The following SLC37A1 variants were observed in gnomAD, a reference collection of about 807,000 sequenced individuals.
SLC37A1 encodes the protein solute carrier family 37 member 1.
In SLC37A1, 49 loss-of-function variants were observed where a neutral mutation model predicts 75.3. That is an observed-to-expected ratio of 0.65 (90% CI 0.52 to 0.83). The LOEUF is 0.83. Among genes scored for constraint, SLC37A1 ranks in the 40% least tolerant of loss-of-function variants. The probability of loss-of-function intolerance (pLI) is 0.00; values close to 1 mark genes in which losing one functional copy is unlikely to be tolerated. For missense variants in SLC37A1, 566 were observed against 695.0 expected (o/e 0.81, Z 2.09); for synonymous variants, 268 against 292.1 (o/e 0.92, Z 0.84).
At chr21:42,532,893 T>A (rs1251772917) in intron 3 of SLC37A1, among the ~76,000 whole-genome samples, 2 of 152,190 alleles carry the variant, frequency 1.3e-5, no homozygotes, top group South Asian at 2.1e-4. Flanking sequence ...GGCTAGTTTT[T>A]GGGGACAGTG....
intron 2 of SLC37A1, among the ~76,000 whole-genome samples, chr21:42,519,135 T>G (rs1199210833): frequency 6.6e-6 from 1 of 152,136 alleles, no homozygotes; most frequent in Non-Finnish European, 1.5e-5. Flanking sequence ...TAGGTTCTGT[T>G]TTGGGGGACC....
chr21:42,537,456 A>G (rs746622508), intron 5 of SLC37A1, among the ~76,000 whole-genome samples: 1 of 152,212 alleles, frequency 6.6e-6, no homozygotes, highest in Non-Finnish European at 1.5e-5. Context: ...TTTCTCAGTT[A>G]CTGGAAAACT....
In SLC37A1 at chr21:42,574,804, T is replaced by C. The variant is rs1379061521; in HGVS notation, c.1424-14T>C. 1 of 1,613,740 alleles carries C rather than the reference T, an allele frequency of 6.2e-7. No individual in the cohort carries two copies. Among genetic ancestry groups the C allele is most frequent in the African/African-American group, 1.3e-5 (1 of 74,946 alleles). ...TCTAAACAGCACCATGTGTGTCCATTTGCCTGATTTCAGGAGCAGCCCTGG... is the reference window on the plus strand; with the variant it reads ...TCTAAACAGCACCATGTGTGTCCATCTGCCTGATTTCAGGAGCAGCCCTGG... On this transcript the variant is annotated splice_polypyrimidine_tract_variant and intron_variant, in intron 17 of 19. Coordinates refer to ENST00000352133, the MANE Select transcript of SLC37A1 (RefSeq NM_001320537.2).
chr21:42,540,770 G>A (rs540509323), intron 6 of SLC37A1, among the ~76,000 whole-genome samples: 3 of 152,314 alleles, frequency 2.0e-5, no homozygotes, highest in Middle Eastern at 3.4e-3. Flanking sequence ...CAAGCAGATT[G>A]TATTTAATTT....
At chr21:42,575,994 T>C in intron 18 of SLC37A1, 1 of 976,368 alleles carries the variant, frequency 1.0e-6, no homozygotes, top group Non-Finnish European at 1.2e-6. Context: ...TATCTGGTAA[T>C]ATATATTGAA....
rs1161313598 is a variant in SLC37A1 at position 42,530,654 on chromosome 21, A to ACACACACACACACACACACACACACC, written c.139-4043_139-4042insACACACACACACACACACACACACCC. 4.2e-4 allele frequency among the ~76,000 whole-genome samples: 15 copies of ACACACACACACACACACACACACACC among 35,880 alleles called. 1 individual carries two copies. The highest frequency in any genetic ancestry group is 2.2e-3 in the Admixed American group (6 of 2,768). The allele number at this position is 35,880 out of a possible 152,430, so 23.5% of individuals were successfully genotyped here. A position where few individuals can be genotyped will look rare whatever the true frequency, so the allele number is the denominator to read the frequency against. On this transcript the variant is annotated intron_variant, in intron 3 of 19. Transcript: ENST00000352133. The stretch of plus-strand genomic sequence containing the variant: ...CACACACACACACACACACACACAC[A>ACACACACACACACACACACACACACC]CCCCCTCTGTGTTGGCTGAAGGTGG...
intron 15 of SLC37A1, 63 bp downstream of exon 15, chr21:42,565,938 A>G (rs1397608889): frequency 1.3e-6 from 2 of 1,517,806 alleles, no homozygotes; most frequent in African/African-American, 2.8e-5. Context: ...ACAGCTGGCA[A>G]GATGAAATAC....
intron 17 of SLC37A1, among the ~76,000 whole-genome samples, chr21:42,573,893 G>C (rs987862869): frequency 6.6e-6 from 1 of 152,194 alleles, no homozygotes; most frequent in African/African-American, 2.4e-5. Context: ...GGGCATTTAG[G>C]GGGATACGTT....
At chr21:42,579,593 G>C in intron 18 of SLC37A1, 143 bp from the exon 19 acceptor site, 1 of 327,450 alleles carries the variant, frequency 3.1e-6, no homozygotes, top group Non-Finnish European at 5.1e-6. Context: ...CGCTGCTCTT[G>C]CAGGGAGGCC....
At position 42,530,654 on chromosome 21, in the gene SLC37A1, A is replaced by ACACCCCC. The variant is rs1161313598; in HGVS notation, c.139-4043_139-4042insACCCCCC. On this transcript the variant is annotated intron_variant, in intron 3 of 19. Transcript: ENST00000352133. ...CACACACACACACACACACACACAC[A>ACACCCCC]CCCCCTCTGTGTTGGCTGAAGGTGG... Among the ~76,000 whole-genome samples the ACACCCCC allele has an allele frequency of 3.9e-3, 140 of 35,880 alleles. 5 individuals carry two copies. The highest frequency in any genetic ancestry group is 9.6e-3 in the Middle Eastern group (1 of 104). The allele number at this position is 35,880 out of a possible 152,430, so 23.5% of individuals were successfully genotyped here.
At chr21:42,572,981 G>A (rs543294639) in intron 17 of SLC37A1, among the ~76,000 whole-genome samples, 4 of 152,294 alleles carry the variant, frequency 2.6e-5, no homozygotes, top group South Asian at 4.1e-4. Flanking sequence ...GGGACCCTGC[G>A]GAACCTGCAG....
chr21:42,542,928 T>G (rs1414422242), intron 7 of SLC37A1, among the ~76,000 whole-genome samples: 1 of 152,236 alleles, frequency 6.6e-6, no homozygotes, highest in African/African-American at 2.4e-5. Flanking sequence ...CAGATAAAAT[T>G]TATTTATTTG....
In SLC37A1 at chr21:42,514,104, T is replaced by A. The variant is rs1301041113; in HGVS notation, c.-792T>A. On this transcript the variant is annotated 5_prime_UTR_variant, in exon 1 of 20. Transcript: ENST00000352133. The surrounding 1 kb of genome is among the most constrained non-coding windows in gnomAD (Gnocchi z 4.8). ...CTCCTCTCCTTCCTTTTCTTTTTTTTCGGGGGGAGGTGGGGGCTGGTTTGG... is the reference window on the plus strand; with the variant it reads ...CTCCTCTCCTTCCTTTTCTTTTTTTACGGGGGGAGGTGGGGGCTGGTTTGG... The A allele has an allele frequency of 6.7e-6, 1 of 149,774 alleles. No homozygotes were observed. Among genetic ancestry groups the A allele is most frequent in the African/African-American group, 2.5e-5 (1 of 40,594 alleles). The allele number at this position is 149,774 out of a possible 1,614,324, so 9.3% of individuals were successfully genotyped here. A position where few individuals can be genotyped will look rare whatever the true frequency, so the allele number is the denominator to read the frequency against.
chr21:42,561,989 G>T, intron 11 of SLC37A1, 89 bp from the exon 12 acceptor site: 2 of 1,046,876 alleles, frequency 1.9e-6, no homozygotes, highest in Non-Finnish European at 1.5e-6. Flanking sequence ...GTCTTTATGG[G>T]AGCGAAGTCA....
intron 7 of SLC37A1, among the ~76,000 whole-genome samples, chr21:42,542,855 G>A (rs1238719101): frequency 6.6e-6 from 1 of 152,278 alleles, no homozygotes; most frequent in Non-Finnish European, 1.5e-5. Context: ...CAGCACCAAA[G>A]TAGCAGAGCT....
At chr21:42,542,375 G>T in intron 6 of SLC37A1, 29 bp from the exon 7 acceptor site, 1 of 1,608,946 alleles carries the variant, frequency 6.2e-7, no homozygotes, top group South Asian at 1.1e-5. Context: ...CTTCCCACAG[G>T]TCAGTCTCTC....
At chr21:42,523,169 AC>A (rs1391054614) in intron 2 of SLC37A1, among the ~76,000 whole-genome samples, 1 of 152,126 alleles carries the variant, frequency 6.6e-6, no homozygotes, top group African/African-American at 2.4e-5. Context: ...TAGAACTGGC[AC>A]TGTGGTTGGA....
chr21:42,551,876 A>G (rs572857346), intron 9 of SLC37A1, among the ~76,000 whole-genome samples: 1 of 152,094 alleles, frequency 6.6e-6, no homozygotes, highest in African/African-American at 2.4e-5. Flanking sequence ...TGCTTTTGTC[A>G]AAATAAAAAA....
intron 16 of SLC37A1, among the ~76,000 whole-genome samples, chr21:42,567,866 A>G (rs2056019827): frequency 6.6e-6 from 1 of 151,954 alleles, no homozygotes; most frequent in Non-Finnish European, 1.5e-5. Flanking sequence ...TTGGTTTCTC[A>G]GCTCTCCCCT....
Sources: gnomAD v4.1 joint callset for allele counts (sites outside exome capture counted in the v4.1 genomes callset) on GRCh38, gnomAD v4.1.1 for gene constraint, Gnocchi (gnomAD v3.1) non-coding constraint, MANE v1.5 for transcripts, NCBI Gene and HGNC (gene_info 2026-07-23, HGNC 2026-07-21) for gene names.